Variants in PPP1R13L observed in about 807,000 individuals in gnomAD.
PPP1R13L encodes protein phosphatase 1 regulatory subunit 13 like, also known as relA-associated inhibitor.
A neutral mutation model predicts 80.9 loss-of-function variants in PPP1R13L; 50 were observed. The ratio of observed to expected loss-of-function variants is 0.62; its 90% CI spans 0.49 to 0.78. The LOEUF (loss-of-function observed/expected upper bound fraction) is 0.78, where lower values mean the gene tolerates loss of function less well. Ranked by LOEUF, PPP1R13L falls within the 30% of genes least tolerant of loss-of-function variation. The pLI is 0.00. For missense variants in PPP1R13L, 1,200 were observed against 1,205.9 expected, an observed-to-expected ratio of 1.00 and a Z score of 0.07; for synonymous variants, 602 against 534.3, an observed-to-expected ratio of 1.13 and a Z score of -1.75.
At chr19:45,381,135 G>A (rs990433346) in intron 12 of PPP1R13L, among the ~76,000 whole-genome samples, 2 of 150,958 alleles carry the variant, frequency 1.3e-5, no homozygotes, top group Non-Finnish European at 2.9e-5. Flanking sequence ...GCTCACTGCA[G>A]GATCAATCTC....
upstream of PPP1R13L, among the ~76,000 whole-genome samples, chr19:45,405,552 T>A (rs1047778714): frequency 1.3e-5 from 2 of 152,174 alleles, no homozygotes; most frequent in Non-Finnish European, 2.9e-5. Context: ...CCTGTGGGAA[T>A]TGTAGTCCTG....
chr19:45,401,735 T>C (rs1225316615), intron 1 of PPP1R13L, among the ~76,000 whole-genome samples: 1 of 152,144 alleles, frequency 6.6e-6, no homozygotes, highest in African/African-American at 2.4e-5. Context: ...AGGGTTGCAC[T>C]GCTCTGGAAG....
chr19:45,398,388 C>T, intron 1 of PPP1R13L, 49 bp from the exon 2 acceptor site: 1 of 1,574,368 alleles, frequency 6.4e-7, no homozygotes, highest in Non-Finnish European at 8.6e-7. Context: ...CCCCTCTAGA[C>T]CCCGCCCTCA....
intron 1 of PPP1R13L, among the ~76,000 whole-genome samples, chr19:45,402,815 C>T (rs1212390335): frequency 2.6e-5 from 4 of 152,236 alleles, no homozygotes; most frequent in South Asian, 2.1e-4. Context: ...GCTCTCCTTC[C>T]CTGGCCTCCT....
At chr19:45,397,374 CTTTCT>C (rs993957338) in intron 3 of PPP1R13L, among the ~76,000 whole-genome samples, 4 of 151,156 alleles carry the variant, frequency 2.6e-5, no homozygotes, top group African/African-American at 9.8e-5. Flanking sequence ...CTTTCTCTCT[CTTTCT>C]TTTCTTTCTT....
intron 8 of PPP1R13L, among the ~76,000 whole-genome samples, chr19:45,391,545 A>C (rs1972972504): frequency 6.6e-6 from 1 of 152,194 alleles, no homozygotes; most frequent in Non-Finnish European, 1.5e-5. Context: ...GAGCAGGCAG[A>C]GTGATGTATG....
At position 45,395,437 on chromosome 19, in the gene PPP1R13L, T is replaced by G; in HGVS notation, c.1353A>C (p.Glu451Asp). 6.5e-7 allele frequency: 1 copy of G among 1,545,262 alleles called. No individual in the cohort carries two copies. Among genetic ancestry groups the G allele is most frequent in the Non-Finnish European group, 8.7e-7 (1 of 1,151,048 alleles). Residue 451 changes from glutamate (E) to aspartate (D), a missense_variant and splice_region_variant, in exon 7 of 13, where the codon GAA (glutamate) becomes GAC (aspartate). By Grantham distance (45) the Glu-to-Asp change is conservative. Around this residue, in one of 5 missense-constraint regions of PPP1R13L, gnomAD observed 764 missense variants for 714.5 expected, o/e 1.07. Coordinates refer to ENST00000360957, the MANE Select transcript of PPP1R13L (RefSeq NM_006663.4). ...HPQQTWPPVN[E>D]GPPKPPTELE... ...CTAGGGCCCTCATTGCTGACTCACC[T>G]TCGTTCACAGGGGGCCATGTCTGTT... is the stretch of plus-strand genomic sequence containing the variant.
intron 8 of PPP1R13L, among the ~76,000 whole-genome samples, chr19:45,388,525 T>C (rs1972910861): frequency 2.0e-5 from 3 of 148,324 alleles, no homozygotes; most frequent in Admixed American, 2.0e-4. Flanking sequence ...CAGTGAGCCA[T>C]GATCTTGCCA....
chr19:45,383,564 G>A (rs1187883372), intron 11 of PPP1R13L, among the ~76,000 whole-genome samples: 1 of 151,980 alleles, frequency 6.6e-6, no homozygotes, highest in Non-Finnish European at 1.5e-5. Context: ...CAAAGTGCTG[G>A]GATTACAGGC....
chr19:45,382,611 C>T lies in PPP1R13L; in HGVS notation c.2364G>A (p.Leu788=). 6.2e-7 allele frequency: 1 copy of T among 1,613,730 alleles called. No individual in the cohort carries two copies. Among genetic ancestry groups the T allele is most frequent in the Non-Finnish European group, 8.5e-7 (1 of 1,180,002 alleles). Residue 788 remains leucine, a synonymous_variant, in exon 12 of 13, where the codon CTG becomes CTA. Coordinates refer to ENST00000360957, the MANE Select transcript of PPP1R13L (RefSeq NM_006663.4). ...SFREGESVTV[L]RRDGPEETDW... is the part of the protein sequence containing the mutation. Reference sequence around the variant, plus strand: ...CGGTCTCCTCCGGCCCGTCCCTCCGCAGCACGGTGACCGACTCGCCCTCGC... The same window carrying T: ...CGGTCTCCTCCGGCCCGTCCCTCCGTAGCACGGTGACCGACTCGCCCTCGC...
At chr19:45,389,057 T>TC (rs1177456788) in intron 8 of PPP1R13L, among the ~76,000 whole-genome samples, 1 of 152,136 alleles carries the variant, frequency 6.6e-6, no homozygotes, top group African/African-American at 2.4e-5. Context: ...AATTCTAAGA[T>TC]CGTGTTCAAA....
intron 1 of PPP1R13L, among the ~76,000 whole-genome samples, chr19:45,398,601 T>G (rs78475354): frequency 6.6e-5 from 10 of 150,406 alleles, no homozygotes; most frequent in Non-Finnish European, 1.0e-4. Context: ...TTTTTTTTTT[T>G]TGTGTATGTG....
At position 45,396,873 on chromosome 19, in the gene PPP1R13L, C is replaced by T; in HGVS notation, c.384G>A (p.Gln128=). 1 of 1,530,808 alleles carries T rather than the reference C, an allele frequency of 6.5e-7. No homozygotes were observed. The highest frequency in any genetic ancestry group is 1.2e-5 in the South Asian group (1 of 82,686). 94.8% of individuals were successfully genotyped at this position (1,530,808 alleles called of 1,614,324 possible). The change falls in exon 4 of 13, where the codon CAG becomes CAA. Residue 128 remains glutamine, a synonymous_variant. Coordinates refer to ENST00000360957, the MANE Select transcript of PPP1R13L (RefSeq NM_006663.4). The surrounding 1 kb of genome is among the most constrained non-coding windows in gnomAD (Gnocchi z 5.3). ...GGTCCAGGCTGCCGTAGGCGTCCGG[C>T]TGCAGGTAGAGCGGGGTGCGCGGCG... The part of the protein sequence containing the change: ...PSSPRTPLYL[Q]PDAYGSLDRA...
intron 8 of PPP1R13L, among the ~76,000 whole-genome samples, 158 bp from the exon 9 acceptor site, chr19:45,386,338 C>T (rs1340806354): frequency 1.3e-5 from 2 of 152,132 alleles, no homozygotes; most frequent in Non-Finnish European, 2.9e-5. Flanking sequence ...CTTCGATCTC[C>T]TCCTAGAGCC....
At chr19:45,381,300 G>T (rs1195044490) in intron 12 of PPP1R13L, among the ~76,000 whole-genome samples, 1 of 151,380 alleles carries the variant, frequency 6.6e-6, no homozygotes, top group Non-Finnish European at 1.5e-5. Context: ...GACCTCAGGA[G>T]ATCCGCCCGC....
intron 3 of PPP1R13L, 98 bp downstream of exon 3, chr19:45,397,907 G>T: frequency 6.8e-7 from 1 of 1,462,984 alleles, no homozygotes; most frequent in Non-Finnish European, 9.1e-7. Flanking sequence ...CCCACAACCT[G>T]CATAACTATA....
At position 45,396,269 on chromosome 19, in the gene PPP1R13L, G is replaced by A; in HGVS notation, c.812-10C>T. On this transcript the variant is annotated splice_polypyrimidine_tract_variant and intron_variant, in intron 5 of 12. Coordinates refer to ENST00000360957, the MANE Select transcript of PPP1R13L (RefSeq NM_006663.4). The surrounding 1 kb of genome is among the most constrained non-coding windows in gnomAD (Gnocchi z 5.3). ...GCGAAGACGTCCAGGCCTGCGGGGC[G>A]GGAATCATTAGGGTCTGTGGGGCTG... 6.2e-7 allele frequency: 1 copy of A among 1,612,628 alleles called. No individual in the cohort carries two copies. Among genetic ancestry groups the A allele is most frequent in the Non-Finnish European group, 8.5e-7 (1 of 1,179,816 alleles).
rs144261599 is a variant in PPP1R13L at position 45,384,859 on chromosome 19, TAATA to T, written c.2248+699_2248+702del. On this transcript the variant is annotated intron_variant, in intron 11 of 12. Transcript: ENST00000360957. ...CAGTGAGACTCTGTCTCAAAAATAA[TAATA>T]AATAAATATTTGTAGAGACAGGGGG... Among the ~76,000 whole-genome samples, 794 of 151,992 alleles carry T rather than the reference TAATA, an allele frequency of 5.2e-3. 9 individuals carry two copies. Among genetic ancestry groups the T allele is most frequent in the African/African-American group, 0.018 (753 of 41,476 alleles).
At chr19:45,393,895 A>AAAAT (rs1010198109) in intron 7 of PPP1R13L, among the ~76,000 whole-genome samples, 5 of 152,078 alleles carry the variant, frequency 3.3e-5, no homozygotes, top group South Asian at 4.1e-4. Context: ...CTCTGTCTCA[A>AAAAT]AAATAAATAA....
Sources: allele counts gnomAD v4.1 joint callset (sites outside exome capture counted in the v4.1 genomes callset), GRCh38; gene constraint gnomAD v4.1.1; regional missense constraint gnomAD v4.1.1; non-coding constraint Gnocchi (gnomAD v3.1); transcripts MANE v1.5; gene names NCBI Gene and HGNC (gene_info 2026-07-23, HGNC 2026-07-21).